MAGI2: variants seen among roughly 807,000 people sequenced by gnomAD.
MAGI2 encodes the protein membrane associated guanylate kinase, WW and PDZ domain containing 2, also known as membrane-associated guanylate kinase, WW and PDZ domain-containing protein 2.
MAGI2 carries 35 observed loss-of-function variants against 133.3 expected under a neutral mutation model. The ratio of observed to expected loss-of-function variants is 0.26; its 90% confidence interval spans 0.20 to 0.35. The LOEUF (loss-of-function observed/expected upper bound fraction) is 0.35, where lower values mean the gene tolerates loss of function less well. Ranked by LOEUF, MAGI2 falls within the 10% of genes least tolerant of loss-of-function variation. The pLI is 1.00. For missense variants in MAGI2, 1,636 were observed against 1,863.4 expected (o/e 0.88, Z 2.25); for synonymous variants, 729 against 710.6 (o/e 1.03, Z -0.41).
intron 2 of MAGI2, among the ~76,000 whole-genome samples, chr7:78,758,974 G>A (rs1824222975): frequency 6.6e-6 from 1 of 152,142 alleles, no homozygotes; most frequent in Middle Eastern, 3.4e-3. Context: ...AGCTTCTTAT[G>A]GGCCTAAATA....
intron 1 of MAGI2, among the ~76,000 whole-genome samples, chr7:79,369,016 G>A (rs528794402): frequency 3.9e-5 from 6 of 152,134 alleles, no homozygotes; most frequent in South Asian, 4.1e-4. Context: ...AATATAAGAC[G>A]AAAGCATTCA....
chr7:79,317,276 G>A (rs1170283873), intron 1 of MAGI2, among the ~76,000 whole-genome samples: 2 of 151,934 alleles, frequency 1.3e-5, no homozygotes, highest in African/African-American at 2.4e-5. Flanking sequence ...TGCCTGCCTC[G>A]GCCTCCCAAA....
intron 2 of MAGI2, among the ~76,000 whole-genome samples, chr7:78,631,639 T>A (rs1809016107): frequency 6.6e-6 from 1 of 152,222 alleles, no homozygotes; most frequent in African/African-American, 2.4e-5. Flanking sequence ...CTTGTGCAGT[T>A]TCTTTACATG....
chr7:79,424,640 A>T (rs1345773895), intron 1 of MAGI2, among the ~76,000 whole-genome samples: 1 of 152,200 alleles, frequency 6.6e-6, no homozygotes, highest in Non-Finnish European at 1.5e-5. Context: ...ATGTATGTAT[A>T]CTTCAAAACA....
At position 78,671,432 on chromosome 7, in the gene MAGI2, G is replaced by C. The variant is rs567360242; in HGVS notation, c.419-44193C>G. Among the ~76,000 whole-genome samples, 3 of 152,210 alleles carry C rather than the reference G, an allele frequency of 2.0e-5. No individual in the cohort carries two copies. The South Asian group carries it at 6.2e-4, about 32-fold the overall frequency. ...ATTTTCTGTGGTAGAGGAAAGCAGA[G>C]ATAGCATGTGTGACTGAAATTCATG... On this transcript the variant is annotated intron_variant, in intron 2 of 21. Coordinates refer to ENST00000354212, the MANE Select transcript of MAGI2 (RefSeq NM_012301.4).
intron 3 of MAGI2, among the ~76,000 whole-genome samples, chr7:78,620,495 A>G (rs1807612125): frequency 1.3e-5 from 2 of 152,036 alleles, no homozygotes; most frequent in Non-Finnish European, 2.9e-5. Flanking sequence ...TTTATGTGCT[A>G]CATCATGAAG....
chr7:78,227,938 C>T (rs141112094), intron 10 of MAGI2, among the ~76,000 whole-genome samples: 681 of 151,332 alleles, frequency 4.5e-3, no homozygotes, highest in Non-Finnish European at 7.2e-3. Context: ...AACAGACTGG[C>T]AAAATTTTTC....
chr7:78,125,871 T>C (rs1361920364), intron 19 of MAGI2, 34 bp from the exon 20 acceptor site: 9 of 1,605,020 alleles, frequency 5.6e-6, no homozygotes, highest in Admixed American at 1.7e-5. Flanking sequence ...AATAAATAAT[T>C]ATTTAGTTAT....
chr7:78,106,825 T>G (rs1818739840), intron 20 of MAGI2, among the ~76,000 whole-genome samples: 1 of 152,156 alleles, frequency 6.6e-6, no homozygotes, highest in African/African-American at 2.4e-5. Flanking sequence ...TTCACTCTCT[T>G]GATAGTTTTC....
At chr7:78,814,700 T>C (rs1180301609) in intron 2 of MAGI2, among the ~76,000 whole-genome samples, 1 of 152,128 alleles carries the variant, frequency 6.6e-6, no homozygotes, top group Non-Finnish European at 1.5e-5. Context: ...TTATCTTACC[T>C]CTCATGGAAT....
At chr7:79,412,000 A>G (rs1360237339) in intron 1 of MAGI2, 2 of 152,124 alleles carry the variant, frequency 1.3e-5, no homozygotes. Flanking sequence ...AATCAGGGTC[A>G]TTTAAAATTA....
At chr7:79,347,562 G>T (rs912548212) in intron 1 of MAGI2, among the ~76,000 whole-genome samples, 5 of 151,664 alleles carry the variant, frequency 3.3e-5, no homozygotes, top group African/African-American at 1.2e-4. Flanking sequence ...ACAGAGCTCT[G>T]GTCTTCTTCT....
intron 2 of MAGI2, among the ~76,000 whole-genome samples, chr7:78,763,285 C>T (rs951656585): frequency 6.6e-6 from 1 of 152,058 alleles, no homozygotes; most frequent in African/African-American, 2.4e-5. Context: ...TAAAAGTTAC[C>T]ATCTGCAGCA....
chr7:79,312,101 G>A (rs748812877), intron 1 of MAGI2, among the ~76,000 whole-genome samples: 2 of 152,126 alleles, frequency 1.3e-5, no homozygotes, highest in African/African-American at 4.8e-5. Context: ...ATCTCACTCA[G>A]AGTAAAAGCC....
At chr7:79,172,283 T>C (rs1307651072) in intron 1 of MAGI2, among the ~76,000 whole-genome samples, 1 of 152,112 alleles carries the variant, frequency 6.6e-6, no homozygotes, top group African/African-American at 2.4e-5. Flanking sequence ...GATCTCTTGG[T>C]ATTTATTGAT....
intron 11 of MAGI2, among the ~76,000 whole-genome samples, chr7:78,196,834 A>G (rs915263911): frequency 6.6e-6 from 1 of 152,224 alleles, no homozygotes; most frequent in Non-Finnish European, 1.5e-5. Flanking sequence ...CAAAGTTTCT[A>G]TAACTGTCAA....
chr7:79,266,741 G>A (rs1337673950), intron 1 of MAGI2, among the ~76,000 whole-genome samples: 2 of 152,248 alleles, frequency 1.3e-5, no homozygotes, highest in East Asian at 1.9e-4. Flanking sequence ...TGGTCAAGGT[G>A]ACTATGGTCA....
intron 2 of MAGI2, among the ~76,000 whole-genome samples, chr7:78,857,722 G>C (rs1428154138): frequency 1.3e-5 from 2 of 152,014 alleles, no homozygotes; most frequent in Admixed American, 1.3e-4. Flanking sequence ...CTCTTTTTTT[G>C]TTGTGTCTCT....
intron 6 of MAGI2, among the ~76,000 whole-genome samples, chr7:78,423,014 A>G (rs1420700814): frequency 6.6e-6 from 1 of 152,244 alleles, no homozygotes; most frequent in Non-Finnish European, 1.5e-5. Context: ...GTTATTATTT[A>G]TCAAAATAAA....
Sources: gnomAD v4.1 joint callset for allele counts (sites outside exome capture counted in the v4.1 genomes callset) on GRCh38, gnomAD v4.1.1 for gene constraint, MANE v1.5 for transcripts, NCBI Gene and HGNC (gene_info 2026-07-23, HGNC 2026-07-21) for gene names.